The following SHROOM3 variants were observed in gnomAD, a reference collection of about 807,000 sequenced individuals.
SHROOM3 encodes protein Shroom3.
Under a neutral mutation model 138.6 loss-of-function variants are expected in SHROOM3, and 47 were observed. The ratio of observed to expected loss-of-function variants is 0.34; its 90% CI spans 0.27 to 0.43. The LOEUF is 0.43. SHROOM3 is among the 20% of genes least tolerant of loss of function. The pLI, the probability that SHROOM3 is intolerant of heterozygous loss-of-function variation, is 1.00. For missense variants in SHROOM3, 2,491 were observed against 2,596.5 expected, an observed-to-expected ratio of 0.96 and a Z score of 0.88; for synonymous variants, 1,062 against 1,063.3, an observed-to-expected ratio of 1.00 and a Z score of 0.02.
intron 2 of SHROOM3, among the ~76,000 whole-genome samples, chr4:76,660,029 A>C (rs1360396581): frequency 6.6e-6 from 1 of 152,136 alleles, no homozygotes; most frequent in Admixed American, 6.6e-5. Context: ...TATCACACGG[A>C]GGCCACCAGA....
intron 2 of SHROOM3, among the ~76,000 whole-genome samples, chr4:76,590,022 A>G (rs1734231894): frequency 6.6e-6 from 1 of 152,206 alleles, no homozygotes; most frequent in Non-Finnish European, 1.5e-5. Context: ...CTTTCTGTCA[A>G]AACGGAAATC....
In SHROOM3 at chr4:76,779,070, C is replaced by T. The variant is rs267600265; in HGVS notation, c.5884C>T (p.Pro1962Ser). The change falls in exon 11 of 11, where the codon CCC (proline) becomes TCC (serine). Residue 1962 changes from proline (P) to serine (S), a missense_variant. By Grantham distance (74) the Pro-to-Ser change is moderately conservative. This residue lies in a region of SHROOM3 where 470 missense variants were observed against 595.0 expected (regional missense o/e 0.79). Coordinates refer to ENST00000296043, the MANE Select transcript of SHROOM3 (RefSeq NM_020859.4). The stretch of plus-strand genomic sequence containing the variant: ...GGAGAGCCTGCCCTCAGATTTCATT[C>T]CCAAGGCTGGGGCCCTGGCTCTGCC... ...LLESLPSDFIPKAGALALPPN... is the reference protein window; with the variant it reads ...LLESLPSDFISKAGALALPPN... 1 of 1,614,214 alleles carries T rather than the reference C, an allele frequency of 6.2e-7. No individual in the cohort carries two copies. The highest frequency in any genetic ancestry group is 8.5e-7 in the Non-Finnish European group (1 of 1,180,034).
In SHROOM3 at chr4:76,740,709, C is replaced by G. The variant is rs527404620; in HGVS notation, c.2536C>G (p.Gln846Glu). The G allele has an allele frequency of 1.9e-6, 3 of 1,613,732 alleles. No individual in the cohort carries two copies. Among genetic ancestry groups the G allele is most frequent in the South Asian group, 2.2e-5 (2 of 91,076 alleles). ...ESAEPLGNGEQHFKNGELKLE... is the reference protein window; with the variant it reads ...ESAEPLGNGEEHFKNGELKLE... ...AGCTGAACCCCTAGGCAACGGGGAG[C>G]AGCACTTCAAAAACGGGGAGCTGAA... is the stretch of plus-strand genomic sequence containing the variant. The change falls in exon 5 of 11, where the codon CAG (glutamine) becomes GAG (glutamate). Residue 846 changes from glutamine to glutamate, a missense_variant. Transcript: ENST00000296043. This position sits in a 1 kb window ranked among gnomAD's most constrained non-coding sequence, Gnocchi z 4.0.
intron 2 of SHROOM3, among the ~76,000 whole-genome samples, chr4:76,669,186 C>G (rs1266527361): frequency 6.6e-6 from 1 of 152,072 alleles, no homozygotes; most frequent in South Asian, 2.1e-4. Context: ...CCTTGTATAC[C>G]TTGTTCAATT....
chr4:76,627,093 T>C (rs1490070006), intron 2 of SHROOM3, among the ~76,000 whole-genome samples: 1 of 152,170 alleles, frequency 6.6e-6, no homozygotes, highest in Non-Finnish European at 1.5e-5. Flanking sequence ...TTACAGTATA[T>C]AGATCGTGTG....
At chr4:76,689,244 C>T (rs1036981774) in intron 2 of SHROOM3, among the ~76,000 whole-genome samples, 1 of 151,490 alleles carries the variant, frequency 6.6e-6, no homozygotes, top group African/African-American at 2.4e-5. Context: ...GCTTCCACCC[C>T]AGAATCCGTT....
At chr4:76,511,525 C>T (rs968215587) in intron 1 of SHROOM3, among the ~76,000 whole-genome samples, 1 of 152,192 alleles carries the variant, frequency 6.6e-6, no homozygotes, top group Non-Finnish European at 1.5e-5. Flanking sequence ...TTTTCTATCA[C>T]TTCTACTGCT....
chr4:76,714,217 T>C (rs1261852324), intron 3 of SHROOM3, among the ~76,000 whole-genome samples: 1 of 152,230 alleles, frequency 6.6e-6, no homozygotes, highest in African/African-American at 2.4e-5. Context: ...TAAACTTTAC[T>C]CAGATCTCAC....
At chr4:76,743,380 G>A (rs955601796) in intron 5 of SHROOM3, among the ~76,000 whole-genome samples, 1 of 152,148 alleles carries the variant, frequency 6.6e-6, no homozygotes, top group Non-Finnish European at 1.5e-5. Flanking sequence ...TTCTCATTAG[G>A]GAGGCCTTTC....
chr4:76,553,832 T>TA (rs1197600108), intron 1 of SHROOM3, among the ~76,000 whole-genome samples: 1 of 151,802 alleles, frequency 6.6e-6, no homozygotes, highest in East Asian at 1.9e-4. Flanking sequence ...ATTAGGTTCA[T>TA]AAAAAAAAGA....
chr4:76,498,061 CCTT>C (rs1732006597), intron 1 of SHROOM3, among the ~76,000 whole-genome samples: 1 of 152,114 alleles, frequency 6.6e-6, no homozygotes, highest in Non-Finnish European at 1.5e-5. Context: ...TCAGCTCTCT[CCTT>C]CTGTGTCAAT....
chr4:76,778,975 C>T lies in SHROOM3; in HGVS notation c.5789C>T (p.Thr1930Met), dbSNP rs759206697. Residue 1930 changes from threonine to methionine, a missense_variant, in exon 11 of 11, where the codon ACG becomes ATG. Coordinates refer to ENST00000296043, the MANE Select transcript of SHROOM3 (RefSeq NM_020859.4). ...DYQHFVKMKS[T>M]LLIEQRKLDD... ...CAGCACTTCGTGAAAATGAAGTCCA[C>T]GCTCCTCATTGAGCAACGGAAGCTG... is the stretch of plus-strand genomic sequence containing the variant. 2.4e-5 allele frequency: 39 copies of T among 1,614,028 alleles called. No homozygotes were observed. Among genetic ancestry groups the T allele is most frequent in the South Asian group, 9.9e-5 (9 of 91,078 alleles).
chr4:76,557,383 C>T lies in SHROOM3; in HGVS notation c.323+1620C>T, dbSNP rs1352403684. Among the ~76,000 whole-genome samples the T allele has an allele frequency of 5.3e-5, 8 of 152,038 alleles. No homozygotes were observed. The South Asian group carries it at 6.2e-4, about 12-fold the overall frequency. ...AGTCACAGAACCGTAAAAACTGTAT[C>T]TTCTCACTTATACATGGTGTATAAA... On this transcript the variant is annotated intron_variant, in intron 2 of 10. Transcript: ENST00000296043.
chr4:76,553,901 C>T (rs1733421799), intron 1 of SHROOM3, among the ~76,000 whole-genome samples: 1 of 152,170 alleles, frequency 6.6e-6, no homozygotes, highest in Non-Finnish European at 1.5e-5. Flanking sequence ...ACATAGCCTC[C>T]CCCACTATCA....
intron 1 of SHROOM3, among the ~76,000 whole-genome samples, chr4:76,521,113 T>C (rs188684660): frequency 6.6e-6 from 1 of 152,222 alleles, no homozygotes; most frequent in Non-Finnish European, 1.5e-5. Flanking sequence ...TCTTTTTTTT[T>C]AAATCATTCA....
intron 2 of SHROOM3, among the ~76,000 whole-genome samples, chr4:76,607,672 G>A (rs1256511912): frequency 6.6e-6 from 1 of 152,084 alleles, no homozygotes; most frequent in Non-Finnish European, 1.5e-5. Flanking sequence ...GTTTCTATGA[G>A]GGGTGCATTT....
chr4:76,720,613 CTTT>C (rs35881578), intron 3 of SHROOM3, among the ~76,000 whole-genome samples: 10 of 135,692 alleles, frequency 7.4e-5, no homozygotes, highest in Non-Finnish European at 8.0e-5. Context: ...TGAATTCTTT[CTTT>C]TTTTTTTTTT....
intron 1 of SHROOM3, among the ~76,000 whole-genome samples, chr4:76,468,739 G>A (rs1731298726): frequency 6.6e-6 from 1 of 152,010 alleles, no homozygotes; most frequent in African/African-American, 2.4e-5. Flanking sequence ...CATATCAAAA[G>A]CATTTGATGG....
At chr4:76,748,769 A>G (rs1457247269) in intron 5 of SHROOM3, among the ~76,000 whole-genome samples, 5 of 147,694 alleles carry the variant, frequency 3.4e-5, no homozygotes, top group African/African-American at 1.0e-4. Context: ...TCCTTGTTAG[A>G]GGAGGCACCT....
Sources: gnomAD v4.1 joint callset for allele counts (sites outside exome capture counted in the v4.1 genomes callset) on GRCh38, gnomAD v4.1.1 for gene constraint, gnomAD v4.1.1 regional missense constraint, Gnocchi (gnomAD v3.1) non-coding constraint, MANE v1.5 for transcripts, NCBI Gene and HGNC (gene_info 2026-07-23, HGNC 2026-07-21) for gene names.